UBP1: variants seen among roughly 807,000 people sequenced by gnomAD.
UBP1 encodes the protein upstream-binding protein 1.
Under a neutral mutation model 76.1 loss-of-function variants are expected in UBP1, and 22 were observed. The ratio of observed to expected loss-of-function variants is 0.29; its 90% CI spans 0.21 to 0.41. The LOEUF (loss-of-function observed/expected upper bound fraction) is 0.41. UBP1 is among the 10% of genes least tolerant of loss of function. The pLI, the probability that UBP1 is intolerant of heterozygous loss-of-function variation, is 1.00. For synonymous variants in UBP1, 224 were observed against 237.1 expected (o/e 0.94, Z 0.51); for missense variants, 436 against 668.1 (o/e 0.65, Z 3.83).
chr3:33,416,503 T>C (rs1390304229), intron 3 of UBP1, among the ~76,000 whole-genome samples: 1 of 152,264 alleles, frequency 6.6e-6, no homozygotes, highest in African/African-American at 2.4e-5. Context: ...TATAGGTTTT[T>C]GTTGTGGTGA....
rs2044205040 is a variant in UBP1 at position 33,400,958 on chromosome 3, T to A, written c.1086+4A>T. The A allele has an allele frequency of 1.3e-6, 2 of 1,593,436 alleles. No homozygotes were observed. Among genetic ancestry groups the A allele is most frequent in the East Asian group, 4.6e-5 (2 of 43,816 alleles). On this transcript the variant is annotated splice_donor_region_variant and intron_variant, in intron 10 of 15. Transcript: ENST00000283629. Reference sequence around the variant, plus strand: ...TCAGATAGTTTTAGGAGAAAGATACTTACTTCACCAGAGGTCTGTGAAGCT... The same window carrying A: ...TCAGATAGTTTTAGGAGAAAGATACATACTTCACCAGAGGTCTGTGAAGCT...
chr3:33,413,108 C>T (rs2044634085), intron 3 of UBP1, among the ~76,000 whole-genome samples: 1 of 152,156 alleles, frequency 6.6e-6, no homozygotes, highest in Admixed American at 6.6e-5. Context: ...AATTAAGGTT[C>T]TTCCCACTAA....
At chr3:33,419,568 C>T (rs529513853) in intron 2 of UBP1, among the ~76,000 whole-genome samples, 83 of 143,852 alleles carry the variant, frequency 5.8e-4, no homozygotes, top group African/African-American at 1.8e-3. Context: ...GCGGAGGTTG[C>T]GGTGAGCCGA....
Position 33,425,656 on chromosome 3 carries a change from C to T in UBP1, c.199G>A (p.Val67Met). 2 of 1,604,668 alleles carry T rather than the reference C, an allele frequency of 1.2e-6. No individual in the cohort carries two copies. The highest frequency in any genetic ancestry group is 8.5e-7 in the Non-Finnish European group (1 of 1,172,772). The change falls in exon 2 of 16, where the codon GTG becomes ATG. Residue 67 changes from valine (V) to methionine (M), a missense_variant. Around this residue, in one of 3 missense-constraint regions of UBP1, gnomAD observed 161 missense variants for 237.9 expected, o/e 0.68. Transcript: ENST00000283629. The stretch of plus-strand genomic sequence containing the variant: ...GCTGGTGACGTTGCAGCACACATCA[C>T]ATACTGAAAGGGTGGGTGCTCTGTT... The part of the protein sequence containing the change: ...GETEHPPFQY[V>M]MCAATSPAVK...
rs2043603905 is a variant in UBP1 at position 33,388,424 on chromosome 3, A to G, written c.*1907T>C. 6.6e-6 allele frequency: 1 copy of G among 152,638 alleles called. No homozygotes were observed. The highest frequency in any genetic ancestry group is 1.5e-5 in the Non-Finnish European group (1 of 68,040). The allele number at this position is 152,638 out of a possible 1,614,324, so 9.5% of individuals were successfully genotyped here. On this transcript the variant is annotated 3_prime_UTR_variant, in exon 16 of 16. Transcript: ENST00000283629. ...AAAGTAACAAATTTGCTGGTGCCAA[A>G]ATTTATTTAGCCTGTTTCACTGGGA...
chr3:33,402,317 TA>T, intron 9 of UBP1, among the ~76,000 whole-genome samples: 1 of 152,278 alleles, frequency 6.6e-6, no homozygotes, highest in South Asian at 2.1e-4. Context: ...TTTCCATTTC[TA>T]AAACCACAGC....
At chr3:33,423,677 CA>C (rs1331276260) in intron 2 of UBP1, among the ~76,000 whole-genome samples, 1 of 152,034 alleles carries the variant, frequency 6.6e-6, no homozygotes, top group African/African-American at 2.4e-5. Flanking sequence ...TGTAATACTT[CA>C]AAAAAATTTT....
intron 1 of UBP1, 137 bp from the exon 2 acceptor site, chr3:33,425,878 G>T (rs1321660322): frequency 5.7e-4 from 294 of 511,336 alleles, no homozygotes; most frequent in Non-Finnish European, 7.5e-4. Context: ...TTTTTTTTAA[G>T]ATCAGAAATT....
intron 5 of UBP1, 69 bp from the exon 6 acceptor site, chr3:33,409,670 CTT>C (rs1218600191): frequency 1.9e-6 from 3 of 1,584,604 alleles, no homozygotes; most frequent in East Asian, 2.2e-5. Flanking sequence ...TTTGTTCCCT[CTT>C]GAGTGACCTG....
chr3:33,409,426 A>G, intron 6 of UBP1, 23 bp downstream of exon 6: 1 of 1,613,972 alleles, frequency 6.2e-7, no homozygotes, highest in East Asian at 2.2e-5. Context: ...TTAATTACAG[A>G]AAACCCGGGT....
chr3:33,440,492 C>T (rs2045280251), upstream of UBP1: 1 of 152,228 alleles, frequency 6.6e-6, no homozygotes, highest in African/African-American at 2.4e-5. Context: ...AGGGCCACTC[C>T]CCGCGCCTCG....
At chr3:33,431,894 G>A (rs1190505175) in intron 1 of UBP1, among the ~76,000 whole-genome samples, 4 of 152,130 alleles carry the variant, frequency 2.6e-5, no homozygotes, top group Non-Finnish European at 4.4e-5. Context: ...GGATGAGAAT[G>A]TTATGGTATA....
rs906397962 is a variant in UBP1, at chr3:33,397,107, C to T, written c.1209G>A (p.Glu403=). The T allele has an allele frequency of 1.9e-6, 3 of 1,598,562 alleles. No individual in the cohort carries two copies. The highest frequency in any genetic ancestry group is 2.7e-5 in the African/African-American group (2 of 73,996). ...SGADLLKLTK[E]DLVQICGAAD... The stretch of plus-strand genomic sequence containing the variant: ...CTGCACCACAAATTTGAACTAAATC[C>T]TCCTTTGTCAGTTTTAATAAGTCGG... The change falls in exon 12 of 16, where the codon GAG becomes GAA. Residue 403 remains glutamate, a synonymous_variant. Transcript: ENST00000283629.
rs1473825912 is a variant in UBP1, at chr3:33,409,228, T to C, written c.819+8A>G. 6.2e-6 allele frequency: 10 copies of C among 1,612,662 alleles called. No homozygotes were observed. In the Admixed American group the frequency reaches 6.7e-5, roughly 11 times the overall value. ...TCTCTTCCAAAACCAAATGCTTTAC[T>C]ACATTACCTCTGTGAGGATTGTGGT... On this transcript the variant is annotated splice_region_variant and intron_variant, in intron 7 of 15. Transcript: ENST00000283629.
chr3:33,426,352 C>T (rs1575488839), intron 1 of UBP1, among the ~76,000 whole-genome samples: 1 of 151,948 alleles, frequency 6.6e-6, no homozygotes, highest in Admixed American at 6.6e-5. Context: ...CTAAGAATAA[C>T]CTGGGGCACT....
intron 13 of UBP1, among the ~76,000 whole-genome samples, chr3:33,395,672 CTTAGGACTA>C (rs1236946343): frequency 7.1e-6 from 1 of 141,136 alleles, no homozygotes; most frequent in East Asian, 2.2e-4. Flanking sequence ...AGTCCACACA[CTTAGGACTA>C]TTACATGCAG....
At chr3:33,441,132 T>TA (rs2045295752), upstream of UBP1, 1 of 152,300 alleles carries the variant, frequency 6.6e-6, no homozygotes, top group Non-Finnish European at 1.5e-5. Flanking sequence ...CGTGCCACAG[T>TA]AACAGCTACG....
chr3:33,405,733 C>G (rs1419061374), intron 8 of UBP1, among the ~76,000 whole-genome samples: 2 of 152,010 alleles, frequency 1.3e-5, no homozygotes, highest in Non-Finnish European at 2.9e-5. Context: ...GCACTCCAGG[C>G]CCAGGTGACT....
In UBP1 at chr3:33,412,589, A is replaced by C. The variant is rs535411929; in HGVS notation, c.448+133T>G. The C allele has an allele frequency of 1.1e-5, 7 of 650,742 alleles. No individual in the cohort carries two copies. The East Asian group carries it at 1.9e-4, about 18-fold the overall frequency. The allele number at this position is 650,742 out of a possible 1,614,324, so 40.3% of individuals were successfully genotyped here. A position where few individuals can be genotyped will look rare whatever the true frequency, so the allele number is the denominator to read the frequency against. Reference sequence around the variant, plus strand: ...AGAGCAAGGCTCTGTCTCAAAAAAAAAAAAAAAAGACACAAAATCCACAAA... The same window carrying C: ...AGAGCAAGGCTCTGTCTCAAAAAAACAAAAAAAAGACACAAAATCCACAAA... On this transcript the variant is annotated intron_variant, in intron 4 of 15. Transcript: ENST00000283629.
Sources: gnomAD v4.1 joint callset for allele counts (sites outside exome capture counted in the v4.1 genomes callset) on GRCh38, gnomAD v4.1.1 for gene constraint, gnomAD v4.1.1 regional missense constraint, MANE v1.5 for transcripts, NCBI Gene and HGNC (gene_info 2026-07-23, HGNC 2026-07-21) for gene names.